Variants in SLC7A14 observed in about 807,000 individuals in gnomAD.
The protein encoded by SLC7A14 is gamma-aminobutyric acid transporter SLC7A14.
A neutral mutation model predicts 60.2 loss-of-function variants in SLC7A14; 37 were observed. The observed-to-expected ratio is 0.61, with a 90% CI of 0.47 to 0.81. SLC7A14 has a LOEUF of 0.81. SLC7A14 is among the 30% of genes least tolerant of loss of function. The pLI, the probability that SLC7A14 is intolerant of heterozygous loss-of-function variation, is 0.00. For synonymous variants in SLC7A14, 399 were observed against 395.8 expected, an observed-to-expected ratio of 1.01 and a Z score of -0.10; for missense variants, 886 against 982.7, an observed-to-expected ratio of 0.90 and a Z score of 1.32.
At chr3:170,502,918 A>G (rs1468415339) in intron 2 of SLC7A14, 2 of 152,206 alleles carry the variant, frequency 1.3e-5, no homozygotes, top group African/African-American at 4.8e-5. Flanking sequence ...TTCTAAAATA[A>G]AAGTATTACA....
chr3:170,490,760 G>C (rs895064515), intron 4 of SLC7A14, among the ~76,000 whole-genome samples: 11 of 152,292 alleles, frequency 7.2e-5, no homozygotes, highest in African/African-American at 2.6e-4. Flanking sequence ...TGGTGACCTA[G>C]AACAAGTTCT....
Position 170,461,467 on chromosome 3 carries a change from GA to G in SLC7A14, c.*5587del, listed in dbSNP as rs67310315. 35,310 of 151,566 alleles carry G rather than the reference GA, an allele frequency of 0.23. 7,309 individuals carry two copies. Among genetic ancestry groups the G allele is most frequent in the African/African-American group, 0.55 (22,780 of 41,380 alleles). The allele number at this position is 151,566 out of a possible 1,614,324, so 9.4% of individuals were successfully genotyped here. A position where few individuals can be genotyped will look rare whatever the true frequency, so the allele number is the denominator to read the frequency against. On this transcript the variant is annotated 3_prime_UTR_variant, in exon 8 of 8. Transcript: ENST00000231706. Reference sequence around the variant, plus strand: ...TTAAAAAGGAAGTTGCTCTTAAGGAGAAAAAAAAATTAAAACAGCCTTTCTT... The same window carrying G: ...TTAAAAAGGAAGTTGCTCTTAAGGAGAAAAAAAATTAAAACAGCCTTTCTT...
chr3:170,558,955 A>G (rs1403378621), intron 1 of SLC7A14, among the ~76,000 whole-genome samples: 35 of 152,210 alleles, frequency 2.3e-4, no homozygotes, highest in Admixed American at 2.3e-3. Flanking sequence ...GTTAAACTGA[A>G]GAATGTGAGC....
At chr3:170,540,732 G>A (rs928181624) in intron 1 of SLC7A14, among the ~76,000 whole-genome samples, 2 of 152,106 alleles carry the variant, frequency 1.3e-5, no homozygotes, top group Non-Finnish European at 2.9e-5. Context: ...AATGCTAACA[G>A]CCCTTGCTCA....
intron 1 of SLC7A14, among the ~76,000 whole-genome samples, chr3:170,552,960 T>G (rs569434443): frequency 2.6e-5 from 4 of 152,332 alleles, no homozygotes; most frequent in African/African-American, 9.6e-5. Flanking sequence ...ACTGCCCCTC[T>G]ACCAGGTATA....
chr3:170,581,338 T>C (rs1018734554), intron 1 of SLC7A14, among the ~76,000 whole-genome samples: 2 of 152,182 alleles, frequency 1.3e-5, no homozygotes, highest in Non-Finnish European at 2.9e-5. Context: ...TTGTTATTTC[T>C]GAACCCCTAT....
At chr3:170,497,446 C>CCG (rs111961322) in intron 4 of SLC7A14, among the ~76,000 whole-genome samples, 3 of 151,886 alleles carry the variant, frequency 2.0e-5, no homozygotes, top group African/African-American at 7.3e-5. Context: ...TCGGAATAAA[C>CCG]AAGTGATTTT....
intron 2 of SLC7A14, among the ~76,000 whole-genome samples, chr3:170,512,818 T>C (rs942894511): frequency 2.1e-4 from 32 of 151,638 alleles, no homozygotes; most frequent in South Asian, 4.2e-4. Flanking sequence ...CGCCCGCCAC[T>C]ACGCCCGGCT....
chr3:170,526,948 G>A lies in SLC7A14; in HGVS notation c.-12C>T, dbSNP rs767817913. The A allele has an allele frequency of 8.1e-6, 13 of 1,608,184 alleles. No individual in the cohort carries two copies. In the African/African-American group the frequency reaches 1.1e-4, roughly 13 times the overall value. Reference sequence around the variant, plus strand: ...AAGAAGCCACTCATCTTGAGCGATAGGGGATGCAGTGAAGGTCAGCTGATG... The same window carrying A: ...AAGAAGCCACTCATCTTGAGCGATAAGGGATGCAGTGAAGGTCAGCTGATG... On this transcript the variant is annotated 5_prime_UTR_variant, in exon 2 of 8. Transcript: ENST00000231706.
intron 2 of SLC7A14, among the ~76,000 whole-genome samples, chr3:170,514,904 C>T (rs1713101770): frequency 6.6e-6 from 1 of 152,210 alleles, no homozygotes; most frequent in South Asian, 2.1e-4. Flanking sequence ...TTAATCTTCA[C>T]AAGATGGTTA....
chr3:170,554,984 T>A (rs1479182563), intron 1 of SLC7A14, among the ~76,000 whole-genome samples: 1 of 151,996 alleles, frequency 6.6e-6, no homozygotes, highest in Non-Finnish European at 1.5e-5. Flanking sequence ...CTGGCCAGCA[T>A]GGTGAAACCC....
At chr3:170,543,872 C>T (rs548551152) in intron 1 of SLC7A14, among the ~76,000 whole-genome samples, 120 of 151,030 alleles carry the variant, frequency 7.9e-4, no homozygotes, top group Non-Finnish European at 1.4e-3. Flanking sequence ...GCCTCAGCCT[C>T]CCAAGTAGCT....
intron 1 of SLC7A14, among the ~76,000 whole-genome samples, chr3:170,572,798 G>A (rs1714991023): frequency 6.6e-6 from 1 of 152,176 alleles, no homozygotes; most frequent in Admixed American, 6.5e-5. Context: ...CCTCTGCATT[G>A]TGATGCTGGA....
chr3:170,581,066 C>T (rs1226961189), intron 1 of SLC7A14, among the ~76,000 whole-genome samples: 2 of 152,124 alleles, frequency 1.3e-5, no homozygotes, highest in East Asian at 3.8e-4. Flanking sequence ...CTCCTAATGA[C>T]CCCAACAGAT....
chr3:170,548,388 T>C (rs1714239981), intron 1 of SLC7A14, among the ~76,000 whole-genome samples: 1 of 152,198 alleles, frequency 6.6e-6, no homozygotes, highest in Non-Finnish European at 1.5e-5. Flanking sequence ...GAAAATGCAG[T>C]TTCTGCCTCC....
At chr3:170,489,406 T>A (rs1046675167) in intron 4 of SLC7A14, among the ~76,000 whole-genome samples, 3 of 152,166 alleles carry the variant, frequency 2.0e-5, no homozygotes, top group Non-Finnish European at 4.4e-5. Context: ...TCACCTCACT[T>A]AAAATGGCTT....
chr3:170,557,834 G>T (rs1714530761), intron 1 of SLC7A14, among the ~76,000 whole-genome samples: 1 of 152,126 alleles, frequency 6.6e-6, no homozygotes, highest in African/African-American at 2.4e-5. Context: ...ATTATTGAGA[G>T]GCAAGGAACC....
At chr3:170,513,884 C>G (rs1228395001) in intron 2 of SLC7A14, among the ~76,000 whole-genome samples, 1 of 152,214 alleles carries the variant, frequency 6.6e-6, no homozygotes, top group Non-Finnish European at 1.5e-5. Context: ...GTCCCTGCAG[C>G]TTGTGATGCA....
At position 170,526,733 on chromosome 3, in the gene SLC7A14, G is replaced by A; in HGVS notation, c.204C>T (p.Gly68=). The part of the protein sequence containing the change: ...LISLGVGSCV[G]TGMYVVSGLV... The stretch of plus-strand genomic sequence containing the variant: ...GGCCAGAGACCACATACATGCCAGT[G>A]CCCACACAGCTGCCAACGCCAAGAG... The change falls in exon 2 of 8, where the codon GGC becomes GGT. Residue 68 remains glycine (G), a synonymous_variant. Coordinates refer to ENST00000231706, the MANE Select transcript of SLC7A14 (RefSeq NM_020949.3). 6.2e-7 allele frequency: 1 copy of A among 1,614,240 alleles called. No homozygotes were observed. The highest frequency in any genetic ancestry group is 2.2e-5 in the East Asian group (1 of 44,880).
Sources: allele counts gnomAD v4.1 joint callset (sites outside exome capture counted in the v4.1 genomes callset), GRCh38; gene constraint gnomAD v4.1.1; transcripts MANE v1.5; gene names NCBI Gene and HGNC (gene_info 2026-07-23, HGNC 2026-07-21).